KCNG1: variants seen among roughly 807,000 people sequenced by gnomAD.
The protein encoded by KCNG1 is voltage-gated potassium channel regulatory subunit KCNG1.
KCNG1 carries 17 observed loss-of-function variants against 32.4 expected under a neutral mutation model. The observed-to-expected ratio is 0.52, with a 90% CI of 0.36 to 0.79. The LOEUF (loss-of-function observed/expected upper bound fraction) is 0.79. KCNG1 is among the 30% of genes least tolerant of loss of function. KCNG1 has a pLI of 0.00. For synonymous variants in KCNG1, 358 were observed against 339.9 expected (o/e 1.05, Z -0.59); for missense variants, 441 against 735.2 (o/e 0.60, Z 4.63).
At chr20:51,009,254 A>G (rs1309078682) in intron 2 of KCNG1, among the ~76,000 whole-genome samples, 1 of 152,172 alleles carries the variant, frequency 6.6e-6, no homozygotes, top group African/African-American at 2.4e-5. Flanking sequence ...CCACCCATTT[A>G]TTCACTCATT....
intron 1 of KCNG1, among the ~76,000 whole-genome samples, chr20:51,020,334 A>G (rs1988431948): frequency 6.6e-6 from 1 of 152,126 alleles, no homozygotes; most frequent in African/African-American, 2.4e-5. Flanking sequence ...GACGGCAGGA[A>G]GGGAGACACC....
At chr20:51,011,488 A>G (rs1350520889) in intron 1 of KCNG1, among the ~76,000 whole-genome samples, 1 of 152,186 alleles carries the variant, frequency 6.6e-6, no homozygotes, top group Non-Finnish European at 1.5e-5. Context: ...GGCATTTAGT[A>G]GGTAGAGGCC....
rs755672673 is a variant in KCNG1 at position 51,010,360 on chromosome 20, C to T, written c.-22G>A. 6.0e-6 allele frequency: 9 copies of T among 1,500,504 alleles called. No homozygotes were observed. The highest frequency in any genetic ancestry group is 3.5e-6 in the Non-Finnish European group (4 of 1,133,182). The allele number at this position is 1,500,504 out of a possible 1,614,324, so 92.9% of individuals were successfully genotyped here. On this transcript the variant is annotated 5_prime_UTR_variant, in exon 2 of 3. Transcript: ENST00000371571. ...TCATTTTGGGCCTTCACATCCCTCT[C>T]GGGCCTGTGGGGAGAAGGGAGGGAA...
chr20:51,020,783 C>G (rs909536459), intron 1 of KCNG1, among the ~76,000 whole-genome samples: 22 of 152,144 alleles, frequency 1.4e-4, no homozygotes, highest in Non-Finnish European at 2.9e-4. Context: ...AGGTGAGTTC[C>G]TCGGAGCTGG....
intron 1 of KCNG1, among the ~76,000 whole-genome samples, chr20:51,010,617 G>C (rs973693937): frequency 1.3e-5 from 2 of 152,176 alleles, no homozygotes; most frequent in African/African-American, 2.4e-5. Flanking sequence ...AAGACAGGCC[G>C]GGCGCGGTGG....
At chr20:51,008,025 C>T (rs1196897262) in intron 2 of KCNG1, 1 of 152,212 alleles carries the variant, frequency 6.6e-6, no homozygotes, top group Non-Finnish European at 1.5e-5. Flanking sequence ...GCAGGGTATA[C>T]AGTCAGTGCT....
At chr20:51,018,882 T>C (rs1345626753) in intron 1 of KCNG1, among the ~76,000 whole-genome samples, 1 of 152,226 alleles carries the variant, frequency 6.6e-6, no homozygotes, top group Non-Finnish European at 1.5e-5. Context: ...GGGGAGCTGG[T>C]GTGGTGTCTC....
chr20:51,018,426 G>T (rs1472485415), intron 1 of KCNG1, among the ~76,000 whole-genome samples: 1 of 152,172 alleles, frequency 6.6e-6, no homozygotes, highest in East Asian at 1.9e-4. Context: ...GCATGAAATG[G>T]TTCTACAGAT....
intron 1 of KCNG1, among the ~76,000 whole-genome samples, chr20:51,019,458 C>T (rs544639804): frequency 1.3e-5 from 2 of 152,040 alleles, no homozygotes; most frequent in Non-Finnish European, 2.9e-5. Flanking sequence ...CTGTGGTGGG[C>T]CATGATAGTG....
At chr20:51,017,088 G>C (rs937056458) in intron 1 of KCNG1, among the ~76,000 whole-genome samples, 6 of 152,230 alleles carry the variant, frequency 3.9e-5, no homozygotes, top group Admixed American at 6.5e-5. Context: ...TGGGGAACCA[G>C]ATGGAAGAGA....
At position 51,010,107 on chromosome 20, in the gene KCNG1, A is replaced by T; in HGVS notation, c.232T>A (p.Trp78Arg). 1 of 1,613,930 alleles carries T rather than the reference A, an allele frequency of 6.2e-7. No homozygotes were observed. The highest frequency in any genetic ancestry group is 8.5e-7 in the Non-Finnish European group (1 of 1,179,976). The part of the protein sequence containing the change: ...NVGGIKYSLP[W>R]TTLDEFPLTR... ...AGCGGGAACTCGTCCAGCGTGGTCC[A>T]GGGCAGCGAGTACTTGATGCCGCCT... Residue 78 changes from tryptophan to arginine, a missense_variant, in exon 2 of 3, where the codon TGG becomes AGG. Trp to Arg is a moderately radical substitution (Grantham distance 101). This residue lies in a region of KCNG1 where 70 missense variants were observed against 158.4 expected (regional missense o/e 0.44). Coordinates refer to ENST00000371571, the MANE Select transcript of KCNG1 (RefSeq NM_002237.4).
At chr20:51,013,943 T>G (rs1988184107) in intron 1 of KCNG1, 1 of 152,236 alleles carries the variant, frequency 6.6e-6, no homozygotes, top group Admixed American at 6.5e-5. Flanking sequence ...GGAGGGCTCT[T>G]GTGAATCCCC....
chr20:51,006,057 A>AT (rs1380417241), intron 2 of KCNG1: 1 of 147,174 alleles, frequency 6.8e-6, no homozygotes, highest in East Asian at 2.1e-4. Flanking sequence ...GCTTATGGTG[A>AT]TGGGGGGGGT....
chr20:51,006,761 G>A (rs147370399), intron 2 of KCNG1: 2 of 152,290 alleles, frequency 1.3e-5, no homozygotes, highest in Non-Finnish European at 2.9e-5. Context: ...CGAACTCCCG[G>A]CCTCAAGTGA....
intron 2 of KCNG1, among the ~76,000 whole-genome samples, chr20:51,007,689 C>T (rs1987887890): frequency 1.3e-5 from 2 of 151,238 alleles, no homozygotes; most frequent in South Asian, 2.1e-4. Context: ...ACATGAGAAT[C>T]GCTTCAATCT....
intron 2 of KCNG1, among the ~76,000 whole-genome samples, chr20:51,007,577 A>C (rs1987881268): frequency 6.6e-6 from 1 of 152,226 alleles, no homozygotes; most frequent in African/African-American, 2.4e-5. Context: ...AATTCAACTT[A>C]TAAGCCAGGC....
Position 51,004,078 on chromosome 20 carries a change from C to T in KCNG1, c.1503G>A (p.Leu501=), listed in dbSNP as rs1987720283. 3.1e-6 allele frequency: 5 copies of T among 1,614,218 alleles called. No homozygotes were observed. The East Asian group carries it at 6.7e-5, about 22-fold the overall frequency. ...QLSVSQDSDI[L]FGSASSDTRD... ...TGGTGTCCGAGGAGGCACTTCCGAA[C>T]AAGATGTCACTGTCCTGGGACACGC... The change falls in exon 3 of 3, where the codon TTG becomes TTA. Residue 501 remains leucine (L), a synonymous_variant. Coordinates refer to ENST00000371571, the MANE Select transcript of KCNG1 (RefSeq NM_002237.4). This position sits in a 1 kb window ranked among gnomAD's most constrained non-coding sequence, Gnocchi z 4.3.
At chr20:51,009,327 A>C (rs1987962043) in intron 2 of KCNG1, among the ~76,000 whole-genome samples, 1 of 152,160 alleles carries the variant, frequency 6.6e-6, no homozygotes, top group Non-Finnish European at 1.5e-5. Flanking sequence ...AAACACTGGC[A>C]AGGGGGAGGG....
Position 51,015,409 on chromosome 20 carries a change from G to C in KCNG1, c.-26-5045C>G, listed in dbSNP as rs1024960576. On this transcript the variant is annotated intron_variant, in intron 1 of 2. Transcript: ENST00000371571. This position sits in a 1 kb window ranked among gnomAD's most constrained non-coding sequence, Gnocchi z 4.4. ...AAATCCAGGAGAGAGGGGGGAGATG[G>C]GTGTCTCCCAAGGACGGTGCCAGAC... Among the ~76,000 whole-genome samples the C allele has an allele frequency of 2.0e-5, 3 of 152,156 alleles. No homozygotes were observed. Among genetic ancestry groups the C allele is most frequent in the Non-Finnish European group, 4.4e-5 (3 of 68,032 alleles).
Sources: allele counts gnomAD v4.1 joint callset (sites outside exome capture counted in the v4.1 genomes callset), GRCh38; gene constraint gnomAD v4.1.1; regional missense constraint gnomAD v4.1.1; non-coding constraint Gnocchi (gnomAD v3.1); transcripts MANE v1.5; gene names NCBI Gene and HGNC (gene_info 2026-07-23, HGNC 2026-07-21).